NACA: variants seen among roughly 807,000 people sequenced by gnomAD.
NACA encodes nascent polypeptide-associated complex subunit alpha.
In NACA, 42 loss-of-function variants were observed where a neutral mutation model predicts 86.4. The ratio of observed to expected loss-of-function variants is 0.49; its 90% CI spans 0.38 to 0.63. The LOEUF (loss-of-function observed/expected upper bound fraction) is 0.63. Among genes scored for constraint, NACA ranks in the 20% least tolerant of loss-of-function variants. The pLI, the probability that NACA is intolerant of heterozygous loss-of-function variation, is 0.00. For synonymous variants in NACA, 898 were observed against 973.7 expected, an observed-to-expected ratio of 0.92 and a Z score of 1.45; for missense variants, 2,157 against 2,483.6, an observed-to-expected ratio of 0.87 and a Z score of 2.80.
rs558882061 is a variant in NACA at position 56,716,469 on chromosome 12, G to A, written c.5061C>T (p.Ala1687=). 1.9e-6 allele frequency: 3 copies of A among 1,555,480 alleles called. No homozygotes were observed. Among genetic ancestry groups the A allele is most frequent in the African/African-American group, 1.3e-5 (1 of 74,100 alleles). ...GPTALKEVLV[A]PAPESTPIIT... Reference sequence around the variant, plus strand: ...TGATTGGCGTGCTTTCTGGAGCTGGGGCAACAAGTACTTCTTTCAGAGCTG... The same window carrying A: ...TGATTGGCGTGCTTTCTGGAGCTGGAGCAACAAGTACTTCTTTCAGAGCTG... Residue 1687 remains alanine, a synonymous_variant, in exon 3 of 9, where the codon GCC becomes GCT. Transcript: ENST00000454682.
At position 56,721,395 on chromosome 12, in the gene NACA, GA is replaced by G; in HGVS notation, c.134del (p.Leu45ProfsTer34). The G allele has an allele frequency of 1.3e-6, 2 of 1,568,932 alleles. No individual in the cohort carries two copies. The highest frequency in any genetic ancestry group is 8.6e-7 in the Non-Finnish European group (1 of 1,161,548). On this transcript the variant is annotated frameshift_variant, in exon 3 of 9. Coordinates refer to ENST00000454682, the MANE Select transcript of NACA (RefSeq NM_001365896.1). LOFTEE classifies it high-confidence loss of function. The stretch of plus-strand genomic sequence containing the variant: ...GTGGGGCAGGAGAGCAAGGAGGGGG[GA>G]GGGTAGGTCCAGGCTGCCCTAAGGC... Reference protein sequence around the residue: ...TAALGQPGPTLPPPCSPAPQQ... With the variant: ...TAALGQPGPTXPPPCSPAPQQ...
At position 56,718,465 on chromosome 12, in the gene NACA, C is replaced by A. The variant is rs1953464758; in HGVS notation, c.3065G>T (p.Ser1022Ile). Residue 1022 changes from serine (S) to isoleucine (I), a missense_variant, in exon 3 of 9, where the codon AGT becomes ATT. Transcript: ENST00000454682. ...TTTGGGGAATGGGGTAGCTGCTGGA[C>A]TTCCTTTGGGGGAGGGAGGAGTCAC... ...PAVTPPSPKG[S>I]PAATPFPKGA... The A allele has an allele frequency of 8.0e-7, 1 of 1,248,444 alleles. No homozygotes were observed. The highest frequency in any genetic ancestry group is 1.7e-5 in the South Asian group (1 of 59,162). The allele number at this position is 1,248,444 out of a possible 1,614,324, so 77.3% of individuals were successfully genotyped here.
chr12:56,718,948 G>T lies in NACA; in HGVS notation c.2582C>A (p.Pro861His). 2 of 1,446,242 alleles carry T rather than the reference G, an allele frequency of 1.4e-6. No homozygotes were observed. Among genetic ancestry groups the T allele is most frequent in the Non-Finnish European group, 1.9e-6 (2 of 1,070,714 alleles). The allele number at this position is 1,446,242 out of a possible 1,614,324, so 89.6% of individuals were successfully genotyped here. Residue 861 changes from proline to histidine, a missense_variant, in exon 3 of 9, where the codon CCC becomes CAC. Coordinates refer to ENST00000454682, the MANE Select transcript of NACA (RefSeq NM_001365896.1). ...ATTHSPTPPS[P>H]KGAPTPSAVT... ...AGCTGAGGGAGTAGGGGCCCCTTTG[G>T]GGGATGGAGGAGTGGGAGAATGCGT...
At position 56,720,798 on chromosome 12, in the gene NACA, A is replaced by G; in HGVS notation, c.732T>C (p.Pro244=). ...TPTTTLAIAS[P]QVKDTTISSV... ...AGGAAATGGTGGTATCTTTGACTTGAGGGGAAGCGATGGCTAGGGTAGTTG... is the reference window on the plus strand; with the variant it reads ...AGGAAATGGTGGTATCTTTGACTTGGGGGGAAGCGATGGCTAGGGTAGTTG... The change falls in exon 3 of 9, where the codon CCT becomes CCC. Residue 244 remains proline, a synonymous_variant. Transcript: ENST00000454682. The G allele has an allele frequency of 6.2e-7, 1 of 1,613,898 alleles. No individual in the cohort carries two copies. Among genetic ancestry groups the G allele is most frequent in the Non-Finnish European group, 8.5e-7 (1 of 1,179,876 alleles).
At position 56,713,333 on chromosome 12, in the gene NACA, A is replaced by G. The variant is rs368249172; in HGVS notation, c.5971-143T>C. 8 of 1,260,568 alleles carry G rather than the reference A, an allele frequency of 6.3e-6. No individual in the cohort carries two copies. The African/African-American group carries it at 1.2e-4, about 19-fold the overall frequency. 78.1% of individuals were successfully genotyped at this position (1,260,568 alleles called of 1,614,324 possible). A position where few individuals can be genotyped will look rare whatever the true frequency, so the allele number is the denominator to read the frequency against. The stretch of plus-strand genomic sequence containing the variant: ...TGCTTGCCCTCACAGTAGAAAGAGT[A>G]GTTGTTTAGGTTTAGAGCAGTGGTT... On this transcript the variant is annotated intron_variant, in intron 6 of 8. Transcript: ENST00000454682.
At position 56,717,080 on chromosome 12, in the gene NACA, C is replaced by A; in HGVS notation, c.4450G>T (p.Val1484Phe). The stretch of plus-strand genomic sequence containing the variant: ...TTTTTGGGAGAGGAAGAAGTGGCAA[C>A]TTGTTTGGGGGCTGGGGGCTCCTTG... ...SPKEPPAPKQ[V>F]ATSSSPKKAP... The change falls in exon 3 of 9, where the codon GTT becomes TTT. Residue 1484 changes from valine (V) to phenylalanine (F), a missense_variant. By Grantham distance (50) the Val-to-Phe change is conservative. This residue lies in a region of NACA where 797 missense variants were observed against 777.6 expected (regional missense o/e 1.02). Coordinates refer to ENST00000454682, the MANE Select transcript of NACA (RefSeq NM_001365896.1). 1 of 1,167,646 alleles carries A rather than the reference C, an allele frequency of 8.6e-7. No individual in the cohort carries two copies. The highest frequency in any genetic ancestry group is 1.1e-6 in the Non-Finnish European group (1 of 936,448). 72.3% of individuals were successfully genotyped at this position (1,167,646 alleles called of 1,614,324 possible).
At chr12:56,715,283 A>G (rs999289019) in intron 3 of NACA, among the ~76,000 whole-genome samples, 5 of 152,198 alleles carry the variant, frequency 3.3e-5, no homozygotes, top group African/African-American at 2.4e-5. Context: ...TAGTTTTTCC[A>G]AACATAATTC....
intron 2 of NACA, among the ~76,000 whole-genome samples, chr12:56,723,384 T>G (rs1404717165): frequency 6.6e-6 from 1 of 152,214 alleles, no homozygotes; most frequent in East Asian, 1.9e-4. Flanking sequence ...TAAAATTAAG[T>G]TGTTCAATGA....
rs1953536421 is a variant in NACA at position 56,720,323 on chromosome 12, T to C, written c.1207A>G (p.Thr403Ala). ...CSPSGSLNVA[T>A]SFSLSPTTSL... ...GTTGTAGGAGATAATGAAAAAGAGG[T>C]AGCTACATTTAAGGAGCCAGAAGGG... Residue 403 changes from threonine (T) to alanine (A), a missense_variant, in exon 3 of 9, where the codon ACC becomes GCC. Physicochemically the swap from Thr to Ala is moderately conservative, Grantham distance 58 (BLOSUM62 0). Coordinates refer to ENST00000454682, the MANE Select transcript of NACA (RefSeq NM_001365896.1). The C allele has an allele frequency of 1.9e-6, 3 of 1,613,294 alleles. No homozygotes were observed. Among genetic ancestry groups the C allele is most frequent in the African/African-American group, 1.3e-5 (1 of 74,748 alleles).
intron 6 of NACA, 153 bp from the exon 7 acceptor site, chr12:56,713,343 G>T (rs955225117): frequency 8.2e-7 from 1 of 1,226,620 alleles, no homozygotes; most frequent in Non-Finnish European, 1.1e-6. Context: ...AGTTGTTTAG[G>T]TTTAGAGCAG....
chr12:56,714,806 T>TA (rs1429621224), intron 3 of NACA, 119 bp from the exon 4 acceptor site: 1 of 898,958 alleles, frequency 1.1e-6, no homozygotes, highest in Non-Finnish European at 1.8e-6. Flanking sequence ...ATGTTAAATG[T>TA]AAACCAACTG....
In NACA at chr12:56,720,336, G is replaced by C; in HGVS notation, c.1194C>G (p.Ser398=). The C allele has an allele frequency of 6.2e-7, 1 of 1,613,924 alleles. No homozygotes were observed. Among genetic ancestry groups the C allele is most frequent in the Middle Eastern group, 1.6e-4 (1 of 6,062 alleles). Residue 398 remains serine (S), a synonymous_variant, in exon 3 of 9, where the codon TCC becomes TCG. Coordinates refer to ENST00000454682, the MANE Select transcript of NACA (RefSeq NM_001365896.1). ...ISSITCSPSG[S]LNVATSFSLS... ...ATGAAAAAGAGGTAGCTACATTTAA[G>C]GAGCCAGAAGGGCTGCAGGTTATGC...
intron 2 of NACA, 81 bp downstream of exon 2, chr12:56,724,371 G>A (rs1158592105): frequency 1.4e-6 from 2 of 1,407,754 alleles, no homozygotes; most frequent in Admixed American, 2.2e-5. Flanking sequence ...CCTAAAAAGT[G>A]TATTTCCCCT....
intron 3 of NACA, among the ~76,000 whole-genome samples, chr12:56,715,361 T>TG (rs1460750936): frequency 4.6e-5 from 7 of 152,168 alleles, no homozygotes; most frequent in Admixed American, 3.9e-4. Flanking sequence ...AGCATACACC[T>TG]GCACCATTTT....
In NACA at chr12:56,720,566, G is replaced by C; in HGVS notation, c.964C>G (p.Leu322Val). 1 of 1,614,004 alleles carries C rather than the reference G, an allele frequency of 6.2e-7. No individual in the cohort carries two copies. The highest frequency in any genetic ancestry group is 8.5e-7 in the Non-Finnish European group (1 of 1,179,898). ...GCACTAGGACCTGTTTGACCTAAAA[G>C]TTGGACAGAACCAAAAGAACTCTGA... is the stretch of plus-strand genomic sequence containing the variant. ...LHQSSFGSVQ[L>V]LGQTGPSALS... The change falls in exon 3 of 9, where the codon CTT becomes GTT. Residue 322 changes from leucine (L) to valine (V), a missense_variant. Physicochemically the swap from Leu to Val is conservative, Grantham distance 32 (BLOSUM62 1). Around this residue, in one of 8 missense-constraint regions of NACA, gnomAD observed 947 missense variants for 917.9 expected, o/e 1.03. Transcript: ENST00000454682.
intron 6 of NACA, 141 bp downstream of exon 6, chr12:56,713,396 T>C (rs1813309547): frequency 3.9e-6 from 5 of 1,275,270 alleles, no homozygotes; most frequent in Admixed American, 2.4e-5. Context: ...AGGAGATATA[T>C]GGCAATGGAG....
chr12:56,721,602 A>G, intron 2 of NACA, 143 bp from the exon 3 acceptor site: 1 of 548,650 alleles, frequency 1.8e-6, no homozygotes, highest in East Asian at 2.9e-5. Flanking sequence ...GCAGGATTAG[A>G]TAAAGGTGAC....
rs780970306 is a variant in NACA, at chr12:56,719,694, C to G, written c.1836G>C (p.Leu612=). The G allele has an allele frequency of 6.2e-7, 1 of 1,613,854 alleles. No homozygotes were observed. Among genetic ancestry groups the G allele is most frequent in the Non-Finnish European group, 8.5e-7 (1 of 1,179,836 alleles). Residue 612 remains leucine, a synonymous_variant, in exon 3 of 9, where the codon CTG becomes CTC. Coordinates refer to ENST00000454682, the MANE Select transcript of NACA (RefSeq NM_001365896.1). ...TTACAGAGGCCGAGGAGTTAACACC[C>G]AGAGGGGAGGTCATACTGCTGGCTG... The part of the protein sequence containing the change: ...GKPASSMTSP[L]GVNSSASVIK...
Position 56,716,498 on chromosome 12 carries a change from G to A in NACA, c.5032C>T (p.Pro1678Ser), listed in dbSNP as rs1953368081. 6.6e-7 allele frequency: 1 copy of A among 1,519,188 alleles called. No homozygotes were observed. Among genetic ancestry groups the A allele is most frequent in the Non-Finnish European group, 8.9e-7 (1 of 1,120,306 alleles). The allele number at this position is 1,519,188 out of a possible 1,614,324, so 94.1% of individuals were successfully genotyped here. ...ACAAGTACTTCTTTCAGAGCTGTGGGGCCTTTCTTTGCTGGAAGCCCTTTA... is the reference window on the plus strand; with the variant it reads ...ACAAGTACTTCTTTCAGAGCTGTGGAGCCTTTCTTTGCTGGAAGCCCTTTA... ...ASKGLPAKKG[P>S]TALKEVLVAP... The change falls in exon 3 of 9, where the codon CCC (proline) becomes TCC (serine). Residue 1678 changes from proline (P) to serine (S), a missense_variant. Pro to Ser is a moderately conservative substitution (Grantham distance 74). Transcript: ENST00000454682.
Sources: gnomAD v4.1 joint callset for allele counts (sites outside exome capture counted in the v4.1 genomes callset) on GRCh38, gnomAD v4.1.1 for gene constraint, gnomAD v4.1.1 regional missense constraint, MANE v1.5 for transcripts, NCBI Gene and HGNC (gene_info 2026-07-23, HGNC 2026-07-21) for gene names.